Variants in TMEM181 observed in about 807,000 individuals in gnomAD.
TMEM181 encodes the protein G protein-coupled receptor 178.
A neutral mutation model predicts 71.9 loss-of-function variants in TMEM181; 39 were observed. That is an observed-to-expected ratio of 0.54 (90% CI 0.42 to 0.71). The LOEUF (loss-of-function observed/expected upper bound fraction) is 0.71. Ranked by LOEUF, TMEM181 falls within the 30% of genes least tolerant of loss-of-function variation. The pLI, the probability that TMEM181 is intolerant of heterozygous loss-of-function variation, is 0.00. For synonymous variants in TMEM181, 245 were observed against 228.8 expected (o/e 1.07, Z -0.64); for missense variants, 595 against 583.0 (o/e 1.02, Z -0.21).
intron 2 of TMEM181, among the ~76,000 whole-genome samples, chr6:158,579,130 A>G (rs1783327040): frequency 6.6e-6 from 1 of 152,122 alleles, no homozygotes. Context: ...GTGGTGGTGC[A>G]TGCCTGTAAT....
At chr6:158,574,871 GC>G in intron 2 of TMEM181, among the ~76,000 whole-genome samples, 2 of 152,330 alleles carry the variant, frequency 1.3e-5, no homozygotes, top group Non-Finnish European at 2.9e-5. Flanking sequence ...GGCCAGGAGA[GC>G]CCATGGTGTA....
chr6:158,610,217 C>G (rs1227434859), intron 10 of TMEM181: 3 of 234,166 alleles, frequency 1.3e-5, no homozygotes, highest in African/African-American at 6.9e-5. Flanking sequence ...TCTCCAAATG[C>G]CACAGTCGTG....
Position 158,585,429 on chromosome 6 carries a change from A to C in TMEM181, c.381+4A>C. On this transcript the variant is annotated splice_donor_region_variant and intron_variant, in intron 5 of 16. Transcript: ENST00000684151. Reference sequence around the variant, plus strand: ...AAGGACCCTCACATGTGCAGGGGTGAGTGTGTGGGGTGAGCCCCACAGTCA... The same window carrying C: ...AAGGACCCTCACATGTGCAGGGGTGCGTGTGTGGGGTGAGCCCCACAGTCA... 2 of 1,590,742 alleles carry C rather than the reference A, an allele frequency of 1.3e-6. No homozygotes were observed. Among genetic ancestry groups the C allele is most frequent in the Non-Finnish European group, 1.7e-6 (2 of 1,170,758 alleles).
rs1231341225 is a variant in TMEM181, at chr6:158,538,730, T to C, written c.131+1865T>C. The stretch of plus-strand genomic sequence containing the variant: ...TAATAAACCAAGTGACATGAGAGAC[T>C]GACAGGGTGCTGCCACACAGAAGGT... On this transcript the variant is annotated intron_variant, in intron 1 of 16. Transcript: ENST00000367090. Among the ~76,000 whole-genome samples, 4 of 152,186 alleles carry C rather than the reference T, an allele frequency of 2.6e-5. No individual in the cohort carries two copies. The East Asian group carries it at 7.7e-4, about 29-fold the overall frequency.
intron 10 of TMEM181, among the ~76,000 whole-genome samples, chr6:158,612,768 C>T (rs1785405971): frequency 6.6e-6 from 1 of 152,178 alleles, no homozygotes; most frequent in Non-Finnish European, 1.5e-5. Context: ...GTTATTCCTG[C>T]TGTAAGGATA....
Position 158,620,857 on chromosome 6 carries a change from G to A in TMEM181, c.897-2693G>A, listed in dbSNP as rs553986087. 2.0e-5 allele frequency among the ~76,000 whole-genome samples: 3 copies of A among 152,200 alleles called. No individual in the cohort carries two copies. The East Asian group carries it at 5.8e-4, about 29-fold the overall frequency. On this transcript the variant is annotated intron_variant, in intron 10 of 16. Coordinates refer to ENST00000684151, the MANE Select transcript of TMEM181 (RefSeq NM_001376852.1). This position sits in a 1 kb window ranked among gnomAD's most constrained non-coding sequence, Gnocchi z 4.5. ...TAAGTGTTAAAGAGGAAAGAAACAC[G>A]AAAAGCAGCTCAACAGTGAAAAATA...
intron 10 of TMEM181, among the ~76,000 whole-genome samples, chr6:158,613,656 G>A (rs921728450): frequency 1.1e-4 from 17 of 152,176 alleles, no homozygotes; most frequent in African/African-American, 4.1e-4. Context: ...ATTCCTTAAA[G>A]GAGAGCACAC....
chr6:158,557,982 C>T (rs775413501), upstream of TMEM181, among the ~76,000 whole-genome samples: 2 of 152,166 alleles, frequency 1.3e-5, no homozygotes, highest in South Asian at 4.1e-4. Context: ...ACGAGTATGA[C>T]GGGAGAAGAG....
At chr6:158,553,154 C>G (rs1035499914) in intron 1 of TMEM181, among the ~76,000 whole-genome samples, 1 of 150,338 alleles carries the variant, frequency 6.7e-6, no homozygotes, top group Non-Finnish European at 1.5e-5. Flanking sequence ...TGCCATTGCA[C>G]TCCAGCCTGG....
chr6:158,577,698 T>G (rs1010248406), intron 2 of TMEM181, among the ~76,000 whole-genome samples: 1 of 152,054 alleles, frequency 6.6e-6, no homozygotes, highest in African/African-American at 2.4e-5. Flanking sequence ...AGAGAGTGAC[T>G]CATCACATAC....
intron 10 of TMEM181, chr6:158,611,215 A>T: frequency 2.0e-6 from 1 of 507,912 alleles, no homozygotes; most frequent in Non-Finnish European, 4.0e-6. Flanking sequence ...TCTGGGATTG[A>T]CTATCCTTCT....
At chr6:158,592,932 A>T (rs561008800) in intron 6 of TMEM181, among the ~76,000 whole-genome samples, 1 of 152,312 alleles carries the variant, frequency 6.6e-6, no homozygotes, top group East Asian at 1.9e-4. Context: ...AAAAATGCAA[A>T]TATTAAAAAC....
At chr6:158,628,236 G>A (rs768918630) in intron 13 of TMEM181, 172 bp from the exon 14 acceptor site, 44 of 714,868 alleles carry the variant, frequency 6.2e-5, no homozygotes, top group African/African-American at 1.0e-4. Flanking sequence ...GGCTGTGTGT[G>A]TGTGTGCATG....
upstream of TMEM181, among the ~76,000 whole-genome samples, chr6:158,555,947 A>G (rs532165994): frequency 2.2e-4 from 33 of 152,244 alleles, no homozygotes; most frequent in Non-Finnish European, 4.6e-4. Flanking sequence ...AAATCAGTGT[A>G]GTCACAAGCT....
At position 158,594,120 on chromosome 6, in the gene TMEM181, T is replaced by TTTTTTTTTTTTTTTTTTTC. The variant is rs1554309324; in HGVS notation, c.492+4338_492+4339insTTTTTTTTTTTTTTTTTTC. On this transcript the variant is annotated intron_variant, in intron 6 of 16. Transcript: ENST00000684151. Reference sequence around the variant, plus strand: ...TTGCCTTTTTTTTTTTTTTTTTTTTTCTGAGACAGAGTCTGTTGCCCAGGC... The same window carrying TTTTTTTTTTTTTTTTTTTC: ...TTGCCTTTTTTTTTTTTTTTTTTTTTTTTTTTTTTTTTTTTTTTCCTGAGACAGAGTCTGTTGCCCAGGC... Among the ~76,000 whole-genome samples, 4 of 139,662 alleles carry TTTTTTTTTTTTTTTTTTTC rather than the reference T, an allele frequency of 2.9e-5. 1 individual carries two copies. Among genetic ancestry groups the TTTTTTTTTTTTTTTTTTTC allele is most frequent in the Non-Finnish European group, 6.1e-5 (4 of 65,992 alleles). 91.6% of individuals were successfully genotyped at this position (139,662 alleles called of 152,430 possible). A position where few individuals can be genotyped will look rare whatever the true frequency, so the allele number is the denominator to read the frequency against.
intron 13 of TMEM181, among the ~76,000 whole-genome samples, chr6:158,626,977 ATCAC>A (rs1786337998): frequency 9.0e-6 from 1 of 111,296 alleles, no homozygotes; most frequent in Non-Finnish European, 1.8e-5. Flanking sequence ...CTCACACATC[ATCAC>A]TCACACACCC....
chr6:158,598,768 G>C (rs896110483), intron 6 of TMEM181, among the ~76,000 whole-genome samples: 2 of 151,666 alleles, frequency 1.3e-5, no homozygotes, highest in African/African-American at 2.4e-5. Flanking sequence ...CTGCCTCCCG[G>C]GTTCAGGCCA....
At chr6:158,559,990 C>G (rs901129165), upstream of TMEM181, 6 of 940,222 alleles carry the variant, frequency 6.4e-6, no homozygotes, top group African/African-American at 1.1e-4. Flanking sequence ...AGGAGGGCCA[C>G]CCCCCTCGCC....
At chr6:158,542,565 G>A (rs1241561966) in intron 1 of TMEM181, among the ~76,000 whole-genome samples, 1 of 152,138 alleles carries the variant, frequency 6.6e-6, no homozygotes, top group Non-Finnish European at 1.5e-5. Context: ...GTACCTTGGG[G>A]TAAGCGGAGC....
Sources: gnomAD v4.1 joint callset for allele counts (sites outside exome capture counted in the v4.1 genomes callset) on GRCh38, gnomAD v4.1.1 for gene constraint, Gnocchi (gnomAD v3.1) non-coding constraint, MANE v1.5 for transcripts, NCBI Gene and HGNC (gene_info 2026-07-23, HGNC 2026-07-21) for gene names.